The following SEMA3A variants were observed in gnomAD, a reference collection of about 807,000 sequenced individuals.
SEMA3A encodes the protein semaphorin 3A, also known as semaphorin-3A.
In SEMA3A, 29 loss-of-function variants were observed where a neutral mutation model predicts 97.9. That is an observed-to-expected ratio of 0.30 (90% CI 0.22 to 0.40). The LOEUF (loss-of-function observed/expected upper bound fraction) is 0.40, where lower values mean the gene tolerates loss of function less well. SEMA3A is among the 10% of genes least tolerant of loss of function. The pLI, the probability that SEMA3A is intolerant of heterozygous loss-of-function variation, is 1.00. For missense variants in SEMA3A, 763 were observed against 951.3 expected, an observed-to-expected ratio of 0.80 and a Z score of 2.60; for synonymous variants, 321 against 323.7, an observed-to-expected ratio of 0.99 and a Z score of 0.09.
Position 84,134,813 on chromosome 7 carries a change from T to C in SEMA3A, c.251A>G (p.Asn84Ser). ...TGATACCTTTTGAAAATCCTTGATATTAACCAGGTCGAATGAAAATATGTG... is the reference window on the plus strand; with the variant it reads ...TGATACCTTTTGAAAATCCTTGATACTAACCAGGTCGAATGAAAATATGTG... Reference protein sequence around the residue: ...KDHIFSFDLVNIKDFQKIVWP... With the variant: ...KDHIFSFDLVSIKDFQKIVWP... Residue 84 changes from asparagine to serine, a missense_variant, in exon 2 of 17, where the codon AAT becomes AGT. By Grantham distance (46) the Asn-to-Ser change is conservative. Coordinates refer to ENST00000265362, the MANE Select transcript of SEMA3A (RefSeq NM_006080.3). 2 of 1,612,402 alleles carry C rather than the reference T, an allele frequency of 1.2e-6. No individual in the cohort carries two copies. Among genetic ancestry groups the C allele is most frequent in the Non-Finnish European group, 1.7e-6 (2 of 1,179,208 alleles).
At chr7:84,276,016 G>C (rs1037607499) in intron 3 of SEMA3A, among the ~76,000 whole-genome samples, 1 of 151,982 alleles carries the variant, frequency 6.6e-6, no homozygotes, top group African/African-American at 2.4e-5. Context: ...CATGTAAAGT[G>C]GTAGTGAAAT....
chr7:84,236,080 A>G (rs1799230042), intron 3 of SEMA3A, among the ~76,000 whole-genome samples: 1 of 152,092 alleles, frequency 6.6e-6, no homozygotes, highest in Non-Finnish European at 1.5e-5. Context: ...TGTCACCTCA[A>G]ATTGCACAGG....
chr7:84,472,590 A>T (rs1408905809), intron 1 of SEMA3A, among the ~76,000 whole-genome samples: 1 of 152,152 alleles, frequency 6.6e-6, no homozygotes, highest in Non-Finnish European at 1.5e-5. Flanking sequence ...ACAATGTTCA[A>T]TGTTTGTCAA....
chr7:83,977,882 C>T (rs1789226273), intron 14 of SEMA3A, among the ~76,000 whole-genome samples: 1 of 150,812 alleles, frequency 6.6e-6, no homozygotes, highest in Admixed American at 6.6e-5. Flanking sequence ...CGGCTCACTG[C>T]AAGCTCCGCC....
rs150236573 is a variant in SEMA3A at position 84,118,218 on chromosome 7, T to C, written c.334-7629A>G. ...TGCATTTTGTTTAATAGAATTTCTA[T>C]GAAAGCCTAGTCCTCTGGCAGTGAA... On this transcript the variant is annotated intron_variant, in intron 3 of 16. Coordinates refer to ENST00000265362, the MANE Select transcript of SEMA3A (RefSeq NM_006080.3). Among the ~76,000 whole-genome samples the C allele has an allele frequency of 1.5e-3, 227 of 152,328 alleles. 1 individual carries two copies. The highest frequency in any genetic ancestry group is 0.011 in the Admixed American group (164 of 15,290).
chr7:84,114,406 A>G (rs1795362409), intron 3 of SEMA3A, among the ~76,000 whole-genome samples: 1 of 152,138 alleles, frequency 6.6e-6, no homozygotes, highest in African/African-American at 2.4e-5. Context: ...TCCAAAATGA[A>G]TGGGTAGCAT....
chr7:84,302,425 C>T (rs1057011549), intron 3 of SEMA3A, among the ~76,000 whole-genome samples: 9 of 151,978 alleles, frequency 5.9e-5, no homozygotes, highest in Admixed American at 2.0e-4. Context: ...GAGAGGACTC[C>T]GCCAAAACGT....
At chr7:84,126,498 G>A (rs1284741312) in intron 3 of SEMA3A, among the ~76,000 whole-genome samples, 3 of 152,058 alleles carry the variant, frequency 2.0e-5, no homozygotes, top group Admixed American at 1.3e-4. Context: ...GGGCTACCGC[G>A]CCCGGATGAG....
chr7:84,343,292 G>A (rs1202838929), intron 2 of SEMA3A, among the ~76,000 whole-genome samples: 1 of 152,152 alleles, frequency 6.6e-6, no homozygotes, highest in African/African-American at 2.4e-5. Flanking sequence ...TGGATTCCAT[G>A]TATAGGAGTT....
intron 3 of SEMA3A, among the ~76,000 whole-genome samples, chr7:84,287,804 C>T (rs887969407): frequency 1.3e-5 from 2 of 152,034 alleles, no homozygotes; most frequent in Non-Finnish European, 2.9e-5. Flanking sequence ...GAAAACTCAG[C>T]ATGTACTTTT....
At chr7:84,170,113 A>C (rs1017004133) in intron 1 of SEMA3A, among the ~76,000 whole-genome samples, 17 of 152,112 alleles carry the variant, frequency 1.1e-4, no homozygotes, top group African/African-American at 3.1e-4. Context: ...ATGATACTTC[A>C]GGTGAAAATA....
At position 84,299,242 on chromosome 7, in the gene SEMA3A, GTA is replaced by G. The variant is rs71078820; in HGVS notation, c.-83+7963_-83+7964del. ...CTTTCATAAAGATATAAAACAGTGT[GTA>G]TATATATATATATATCTCCATATAT... On this transcript the variant is annotated intron_variant, in intron 3 of 3. Transcript: ENST00000424555. Among the ~76,000 whole-genome samples the G allele has an allele frequency of 1.5e-4, 19 of 127,496 alleles. 1 individual carries two copies. Among genetic ancestry groups the G allele is most frequent in the Middle Eastern group, 4.6e-3 (1 of 216 alleles). 83.6% of individuals were successfully genotyped at this position (127,496 alleles called of 152,430 possible).
intron 5 of SEMA3A, among the ~76,000 whole-genome samples, chr7:84,051,738 C>T (rs1792665287): frequency 6.6e-6 from 1 of 151,998 alleles, no homozygotes; most frequent in Non-Finnish European, 1.5e-5. Flanking sequence ...CCAGAACTTC[C>T]AACACTATGT....
chr7:84,394,618 T>C (rs1011500036), intron 1 of SEMA3A, among the ~76,000 whole-genome samples: 1 of 152,072 alleles, frequency 6.6e-6, no homozygotes, highest in Non-Finnish European at 1.5e-5. Flanking sequence ...TGATGGCTGA[T>C]TGGAACAACA....
chr7:84,128,238 T>C (rs1223485518), intron 3 of SEMA3A, among the ~76,000 whole-genome samples: 1 of 146,488 alleles, frequency 6.8e-6, no homozygotes, highest in East Asian at 2.0e-4. Context: ...ATTTAAAGGA[T>C]GAATACATGG....
intron 2 of SEMA3A, among the ~76,000 whole-genome samples, chr7:84,367,017 T>A (rs955861542): frequency 2.0e-5 from 3 of 151,148 alleles, no homozygotes; most frequent in African/African-American, 7.3e-5. Context: ...TTGAATAAAT[T>A]GAGGTGCAGA....
chr7:83,985,178 A>C (rs534943725), intron 13 of SEMA3A, among the ~76,000 whole-genome samples: 22 of 152,268 alleles, frequency 1.4e-4, no homozygotes, highest in Admixed American at 2.6e-4. Flanking sequence ...AATACACTGT[A>C]TGTAAAAATT....
intron 6 of SEMA3A, among the ~76,000 whole-genome samples, chr7:84,027,540 G>T (rs568342796): frequency 1.3e-5 from 2 of 152,144 alleles, no homozygotes; most frequent in East Asian, 1.9e-4. Context: ...TTGTTTGTTT[G>T]TTTGTTTTTA....
chr7:83,979,133 C>CTT (rs761341563), intron 14 of SEMA3A, among the ~76,000 whole-genome samples: 23 of 134,400 alleles, frequency 1.7e-4, no homozygotes, highest in South Asian at 2.4e-4. Flanking sequence ...ACGAATTCCA[C>CTT]TTTTTTTTTT....
Sources: allele counts gnomAD v4.1 joint callset (sites outside exome capture counted in the v4.1 genomes callset), GRCh38; gene constraint gnomAD v4.1.1; transcripts MANE v1.5; gene names NCBI Gene and HGNC (gene_info 2026-07-23, HGNC 2026-07-21).